The following PLA2G7 variants were observed in gnomAD, a reference collection of about 807,000 sequenced individuals.
PLA2G7 encodes the protein platelet-activating factor acetylhydrolase.
In PLA2G7, 63 loss-of-function variants were observed where a neutral mutation model predicts 49.6. The observed-to-expected ratio is 1.27, with a 90% CI of 1.04 to 1.57. PLA2G7 has a LOEUF of 1.57. Ranked by LOEUF, PLA2G7 falls within the 40% of genes most tolerant of loss-of-function variation. PLA2G7 has a pLI of 0.00. For synonymous variants in PLA2G7, 193 were observed against 169.9 expected (o/e 1.14, Z -1.06); for missense variants, 596 against 521.2 (o/e 1.14, Z -1.40).
intron 1 of PLA2G7, among the ~76,000 whole-genome samples, chr6:46,731,748 T>C (rs1261369298): frequency 9.9e-5 from 15 of 152,210 alleles, no homozygotes; most frequent in Admixed American, 9.8e-4. Flanking sequence ...GGTAATAATG[T>C]CTTACATTAT....
intron 8 of PLA2G7, 105 bp downstream of exon 8, chr6:46,710,440 T>C (rs1764972987): frequency 1.3e-6 from 1 of 751,438 alleles, no homozygotes; most frequent in Non-Finnish European, 2.4e-6. Flanking sequence ...AGGGGGCTGG[T>C]TGCAGCCCTT....
chr6:46,716,874 T>C, intron 3 of PLA2G7, 101 bp downstream of exon 3: 2 of 1,217,100 alleles, frequency 1.6e-6, no homozygotes, highest in Admixed American at 1.7e-5. Context: ...AAATGAGTCA[T>C]TCTCAGGTGA....
At chr6:46,727,687 A>G (rs1765614667) in intron 1 of PLA2G7, among the ~76,000 whole-genome samples, 2 of 152,240 alleles carry the variant, frequency 1.3e-5, no homozygotes, top group African/African-American at 4.8e-5. Flanking sequence ...TAATCACAAG[A>G]GTCCTTAAAA....
chr6:46,709,308 T>C lies in PLA2G7; in HGVS notation c.869+19A>G, dbSNP rs1454998429. 15 of 1,336,000 alleles carry C rather than the reference T, an allele frequency of 1.1e-5. No individual in the cohort carries two copies. The highest frequency in any genetic ancestry group is 3.5e-5 in the South Asian group (3 of 85,428). The allele number at this position is 1,336,000 out of a possible 1,614,324, so 82.8% of individuals were successfully genotyped here. On this transcript the variant is annotated intron_variant, in intron 9 of 11. Coordinates refer to ENST00000274793, the MANE Select transcript of PLA2G7 (RefSeq NM_005084.4). ...CCAATAATTTACTATTCTCTTGCTT[T>C]ACTATCTTATTTTCTTACCTGAATC...
chr6:46,719,699 A>G (rs1765331682), intron 2 of PLA2G7, among the ~76,000 whole-genome samples: 1 of 152,336 alleles, frequency 6.6e-6, no homozygotes, highest in African/African-American at 2.4e-5. Flanking sequence ...GTAAAATGAC[A>G]TAAAAGCACT....
At chr6:46,719,990 A>G (rs1037190606) in intron 2 of PLA2G7, among the ~76,000 whole-genome samples, 2 of 152,210 alleles carry the variant, frequency 1.3e-5, no homozygotes, top group African/African-American at 4.8e-5. Context: ...TTCTTCCATT[A>G]AAAGAGTATC....
intron 1 of PLA2G7, among the ~76,000 whole-genome samples, chr6:46,727,188 T>C (rs1294323119): frequency 6.6e-6 from 1 of 152,206 alleles, no homozygotes; most frequent in Non-Finnish European, 1.5e-5. Flanking sequence ...ATCTCAGTTG[T>C]AGTCTCCATA....
rs541866047 is a variant in PLA2G7, at chr6:46,720,202, C to T, written c.109+2581G>A. On this transcript the variant is annotated intron_variant, in intron 2 of 11. Transcript: ENST00000274793. ...ACAACTCGCTAAGGAGCCCCAGGGC[C>T]ACAGCTGCTGTTGGAGACACTACCT... Among the ~76,000 whole-genome samples the T allele has an allele frequency of 1.3e-4, 20 of 152,330 alleles. 1 individual carries two copies. Among genetic ancestry groups the T allele is most frequent in the African/African-American group, 4.8e-4 (20 of 41,580 alleles).
intron 1 of PLA2G7, among the ~76,000 whole-genome samples, chr6:46,727,636 C>T (rs918659474): frequency 6.6e-6 from 1 of 152,156 alleles, no homozygotes; most frequent in African/African-American, 2.4e-5. Flanking sequence ...AATCAGTTGA[C>T]CTTAAAATAG....
intron 2 of PLA2G7, among the ~76,000 whole-genome samples, chr6:46,719,015 G>T (rs563939471): frequency 6.6e-6 from 1 of 152,124 alleles, no homozygotes; most frequent in East Asian, 1.9e-4. Context: ...TTCTCTCTCT[G>T]GTGCAATCTT....
chr6:46,729,127 G>T (rs1163025352), intron 1 of PLA2G7, among the ~76,000 whole-genome samples: 2 of 152,168 alleles, frequency 1.3e-5, no homozygotes, highest in African/African-American at 4.8e-5. Context: ...CTGGGGTGTG[G>T]AGGAGCCTGG....
intron 5 of PLA2G7, among the ~76,000 whole-genome samples, chr6:46,713,797 C>T (rs1291942904): frequency 3.9e-5 from 6 of 152,140 alleles, no homozygotes; most frequent in Non-Finnish European, 8.8e-5. Flanking sequence ...CAGCTCCTGC[C>T]CCTCTGTATC....
chr6:46,723,025 A>G (rs564113594), intron 1 of PLA2G7, 100 bp from the exon 2 acceptor site: 1 of 681,552 alleles, frequency 1.5e-6, no homozygotes, highest in Admixed American at 2.2e-5. Context: ...AACACTTGGA[A>G]AAAATAAAAC....
intron 9 of PLA2G7, among the ~76,000 whole-genome samples, chr6:46,709,118 T>C (rs994819271): frequency 6.6e-6 from 1 of 152,098 alleles, no homozygotes; most frequent in Non-Finnish European, 1.5e-5. Context: ...GGAAAACTTA[T>C]GGGAGTAGGG....
At chr6:46,733,239 T>A (rs566907679) in intron 1 of PLA2G7, among the ~76,000 whole-genome samples, 4 of 152,308 alleles carry the variant, frequency 2.6e-5, no homozygotes, top group African/African-American at 9.6e-5. Context: ...TTTAGGCCCA[T>A]GTATGTTCCT....
chr6:46,707,972 A>G lies in PLA2G7; in HGVS notation c.1040+19T>C, dbSNP rs1201176418. The G allele has an allele frequency of 6.8e-7, 1 of 1,478,264 alleles. No individual in the cohort carries two copies. Among genetic ancestry groups the G allele is most frequent in the Non-Finnish European group, 9.4e-7 (1 of 1,060,880 alleles). 91.6% of individuals were successfully genotyped at this position (1,478,264 alleles called of 1,614,324 possible). A position where few individuals can be genotyped will look rare whatever the true frequency, so the allele number is the denominator to read the frequency against. On this transcript the variant is annotated intron_variant, in intron 10 of 11. Transcript: ENST00000274793. Reference sequence around the variant, plus strand: ...CTTCAAGTTTGTTTCACATAATGAAATAAGTCACTAATACTTACCTGATTG... The same window carrying G: ...CTTCAAGTTTGTTTCACATAATGAAGTAAGTCACTAATACTTACCTGATTG...
chr6:46,716,301 G>T, intron 4 of PLA2G7, 83 bp downstream of exon 4: 3 of 1,422,310 alleles, frequency 2.1e-6, no homozygotes, highest in Non-Finnish European at 3.0e-6. Context: ...ATCTACTTTG[G>T]TCTTAACTAC....
At chr6:46,705,706 T>C (rs553199421) in intron 10 of PLA2G7, among the ~76,000 whole-genome samples, 2 of 152,366 alleles carry the variant, frequency 1.3e-5, no homozygotes, top group South Asian at 4.1e-4. Flanking sequence ...CTAGTCACTT[T>C]AAATTTAAAT....
At chr6:46,732,852 A>G (rs1481631218) in intron 1 of PLA2G7, among the ~76,000 whole-genome samples, 1 of 152,188 alleles carries the variant, frequency 6.6e-6, no homozygotes, top group African/African-American at 2.4e-5. Context: ...CTGAAACAAT[A>G]CAATTTTAGA....
Sources: allele counts gnomAD v4.1 joint callset (sites outside exome capture counted in the v4.1 genomes callset), GRCh38; gene constraint gnomAD v4.1.1; transcripts MANE v1.5; gene names NCBI Gene and HGNC (gene_info 2026-07-23, HGNC 2026-07-21).